Variants in ERG observed in about 807,000 individuals in gnomAD.
The protein encoded by ERG is transcriptional regulator ERG.
Under a neutral mutation model 55.3 loss-of-function variants are expected in ERG, and 9 were observed. That is an observed-to-expected ratio of 0.16 (90% confidence interval 0.10 to 0.28). ERG has a LOEUF of 0.28. Among genes scored for constraint, ERG ranks in the 10% least tolerant of loss-of-function variants. The pLI is 1.00. For synonymous variants in ERG, 223 were observed against 237.3 expected, an observed-to-expected ratio of 0.94 and a Z score of 0.55; for missense variants, 434 against 631.6, an observed-to-expected ratio of 0.69 and a Z score of 3.35.
chr21:38,571,376 C>T (rs2059956644), intron 2 of ERG, among the ~76,000 whole-genome samples: 1 of 151,854 alleles, frequency 6.6e-6, no homozygotes, highest in Admixed American at 6.6e-5. Flanking sequence ...CTGGGTGTAG[C>T]GGTGCACACC....
chr21:38,481,275 G>A (rs2059235948), intron 1 of ERG, among the ~76,000 whole-genome samples: 1 of 152,246 alleles, frequency 6.6e-6, no homozygotes, highest in Admixed American at 6.5e-5. Flanking sequence ...TTTACTCAGG[G>A]AAAGATTTCA....
chr21:38,516,071 A>G (rs947921946), intron 2 of ERG, among the ~76,000 whole-genome samples: 1 of 152,100 alleles, frequency 6.6e-6, no homozygotes, highest in Non-Finnish European at 1.5e-5. Context: ...AAGAACTGGA[A>G]CAAGACAAGG....
At chr21:38,377,047 CCAATTT>C (rs548307606), downstream of ERG, among the ~76,000 whole-genome samples, 33 of 152,326 alleles carry the variant, frequency 2.2e-4, no homozygotes, top group South Asian at 6.2e-3. Flanking sequence ...GAAGGCCATT[CCAATTT>C]CAAGTCCTGA....
chr21:38,374,958 T>G, the ERG span, among the ~76,000 whole-genome samples: 1 of 152,150 alleles, frequency 6.6e-6, no homozygotes, highest in Non-Finnish European at 1.5e-5. Flanking sequence ...CTGGAATGCA[T>G]TCTATTCATC....
chr21:38,371,722 G>C, the ERG span, among the ~76,000 whole-genome samples: 1 of 152,010 alleles, frequency 6.6e-6, no homozygotes, highest in Non-Finnish European at 1.5e-5. Flanking sequence ...CCTTGATCAT[G>C]ATATAATTTC....
downstream of ERG, among the ~76,000 whole-genome samples, chr21:38,376,334 T>C (rs1183976143): frequency 6.6e-6 from 1 of 152,200 alleles, no homozygotes. Context: ...GCTATGCATG[T>C]TTCCATGGGA....
chr21:38,646,628 T>C (rs2060458427), intron 1 of ERG, among the ~76,000 whole-genome samples: 1 of 152,194 alleles, frequency 6.6e-6, no homozygotes, highest in Non-Finnish European at 1.5e-5. Flanking sequence ...GTTATTCAGC[T>C]CTGCCTCACA....
At chr21:38,566,959 T>C (rs1207864207) in intron 2 of ERG, among the ~76,000 whole-genome samples, 1 of 152,164 alleles carries the variant, frequency 6.6e-6, no homozygotes, top group Non-Finnish European at 1.5e-5. Flanking sequence ...CTTCCACCCA[T>C]TCTCCTGGGA....
intron 2 of ERG, among the ~76,000 whole-genome samples, chr21:38,575,073 C>A (rs903637335): frequency 2.0e-5 from 3 of 152,162 alleles, no homozygotes; most frequent in African/African-American, 7.2e-5. Context: ...ACCCTCTCAC[C>A]TCCAGAGCCT....
At chr21:38,628,460 A>T (rs1292793730) in intron 1 of ERG, among the ~76,000 whole-genome samples, 1 of 152,154 alleles carries the variant, frequency 6.6e-6, no homozygotes, top group Admixed American at 6.5e-5. Flanking sequence ...TGACTAACAC[A>T]TCAATGAAAG....
At chr21:38,587,311 G>A (rs1053464483), upstream of ERG, among the ~76,000 whole-genome samples, 5 of 152,048 alleles carry the variant, frequency 3.3e-5, no homozygotes, top group African/African-American at 9.7e-5. Flanking sequence ...TCAAGGGGAT[G>A]GGGGAGGGGG....
At chr21:38,551,512 G>A (rs987660213) in intron 2 of ERG, among the ~76,000 whole-genome samples, 1 of 151,976 alleles carries the variant, frequency 6.6e-6, no homozygotes, top group Non-Finnish European at 1.5e-5. Context: ...TGTTAACATT[G>A]CTTTAACTGT....
chr21:38,421,206 T>C (rs1416411327), intron 3 of ERG, among the ~76,000 whole-genome samples: 1 of 152,170 alleles, frequency 6.6e-6, no homozygotes, highest in Non-Finnish European at 1.5e-5. Context: ...ATTGTCAAGA[T>C]CAAACCAAAT....
intron 3 of ERG, among the ~76,000 whole-genome samples, chr21:38,417,891 T>C (rs1474154893): frequency 6.6e-6 from 1 of 152,216 alleles, no homozygotes; most frequent in African/African-American, 2.4e-5. Context: ...TGCATTTTGG[T>C]CAGCATTTTG....
chr21:38,459,553 T>A (rs2146592323), intron 1 of ERG, among the ~76,000 whole-genome samples: 1 of 152,334 alleles, frequency 6.6e-6, no homozygotes, highest in African/African-American at 2.4e-5. Flanking sequence ...AACATTTCTG[T>A]ACCTATGTAG....
At chr21:38,510,799 A>G (rs1008916007) in intron 2 of ERG, among the ~76,000 whole-genome samples, 6 of 152,194 alleles carry the variant, frequency 3.9e-5, no homozygotes, top group Admixed American at 2.0e-4. Context: ...ACACATTGAA[A>G]TCGATTTTCC....
At chr21:38,547,296 G>C (rs2059793743) in intron 2 of ERG, among the ~76,000 whole-genome samples, 1 of 152,168 alleles carries the variant, frequency 6.6e-6, no homozygotes, top group Admixed American at 6.5e-5. Flanking sequence ...TTGGGGATTG[G>C]GCTGGAGAGG....
chr21:38,375,560 CA>C (rs978788568), downstream of ERG, among the ~76,000 whole-genome samples: 12 of 152,088 alleles, frequency 7.9e-5, no homozygotes, highest in Admixed American at 7.2e-4. Flanking sequence ...ACCTTATTTC[CA>C]AAAACCATTC....
At position 38,380,229 on chromosome 21, in the gene ERG, A is replaced by AG. The variant is rs1431904971; in HGVS notation, c.*3173dup. 9 of 1,053,146 alleles carry AG rather than the reference A, an allele frequency of 8.5e-6. No homozygotes were observed. The allele number at this position is 1,053,146 out of a possible 1,614,324, so 65.2% of individuals were successfully genotyped here. A position where few individuals can be genotyped will look rare whatever the true frequency, so the allele number is the denominator to read the frequency against. On this transcript the variant is annotated 3_prime_UTR_variant, in exon 10 of 10. Transcript: ENST00000288319. The stretch of plus-strand genomic sequence containing the variant: ...TGCCCCATCACCTTCCCAGCTCCTG[A>AG]GCTGTAGCCATCTCTGCTGCACCTG...
Sources: allele counts gnomAD v4.1 joint callset (sites outside exome capture counted in the v4.1 genomes callset), GRCh38; gene constraint gnomAD v4.1.1; transcripts MANE v1.5; gene names NCBI Gene and HGNC (gene_info 2026-07-23, HGNC 2026-07-21).